COL23A1: variants seen among roughly 807,000 people sequenced by gnomAD.
COL23A1 encodes collagen alpha-1(XXIII) chain.
A neutral mutation model predicts 99.3 loss-of-function variants in COL23A1; 97 were observed. The ratio of observed to expected loss-of-function variants is 0.98; its 90% confidence interval spans 0.83 to 1.16. The LOEUF is 1.16. Among genes scored for constraint, COL23A1 ranks in the 50% most tolerant of loss-of-function variants. The probability of loss-of-function intolerance (pLI) is 0.00; values close to 1 mark genes in which losing one functional copy is unlikely to be tolerated. For missense variants in COL23A1, 762 were observed against 757.4 expected (o/e 1.01, Z -0.07); for synonymous variants, 320 against 308.2 (o/e 1.04, Z -0.40).
intron 2 of COL23A1, among the ~76,000 whole-genome samples, chr5:178,322,323 C>T (rs1034210213): frequency 6.6e-6 from 1 of 152,108 alleles, no homozygotes; most frequent in South Asian, 2.1e-4. Flanking sequence ...TTAGTAGAGA[C>T]GGGGTTTCGC....
intron 4 of COL23A1, among the ~76,000 whole-genome samples, chr5:178,289,831 C>T (rs2127585533): frequency 6.6e-6 from 1 of 152,340 alleles, no homozygotes; most frequent in African/African-American, 2.4e-5. Context: ...TTCCGGCGAA[C>T]AGGTCAAGCC....
At position 178,308,624 on chromosome 5, in the gene COL23A1, T is replaced by C. The variant is rs1451974132; in HGVS notation, c.362-1705A>G. 6.6e-6 allele frequency among the ~76,000 whole-genome samples: 1 copy of C among 152,204 alleles called. No individual in the cohort carries two copies. Among genetic ancestry groups the C allele is most frequent in the African/African-American group, 2.4e-5 (1 of 41,452 alleles). ...TGGCCGAGGCCTGCGACACCCACAC[T>C]GTCCGGCCAATTACCTTCCTATCTC... On this transcript the variant is annotated intron_variant, in intron 2 of 28. Transcript: ENST00000390654. This position sits in a 1 kb window ranked among gnomAD's most constrained non-coding sequence, Gnocchi z 5.1.
Position 178,417,487 on chromosome 5 carries a change from G to A in COL23A1, c.362-110568C>T, listed in dbSNP as rs142507359. Among the ~76,000 whole-genome samples the A allele has an allele frequency of 3.0e-3, 450 of 152,160 alleles. 3 individuals carry two copies. The highest frequency in any genetic ancestry group is 5.0e-3 in the Non-Finnish European group (342 of 68,006). On this transcript the variant is annotated intron_variant, in intron 2 of 28. Coordinates refer to ENST00000390654, the MANE Select transcript of COL23A1 (RefSeq NM_173465.4). ...CTGCCCAAAGGGGGAAATCACGCCC[G>A]CAACATTCTGGATTCTCCCTCTGGG...
At chr5:178,530,303 A>G (rs1760571532) in intron 2 of COL23A1, among the ~76,000 whole-genome samples, 1 of 152,170 alleles carries the variant, frequency 6.6e-6, no homozygotes, top group South Asian at 2.1e-4. Context: ...TCTGCTAAAA[A>G]TAAAAAAGAT....
At chr5:178,402,915 C>T (rs190721846) in intron 2 of COL23A1, among the ~76,000 whole-genome samples, 78 of 131,194 alleles carry the variant, frequency 5.9e-4, no homozygotes, top group African/African-American at 2.0e-3. Context: ...TGAGCACACA[C>T]AAAAACGTGA....
At chr5:178,413,669 A>G (rs1227774821) in intron 2 of COL23A1, among the ~76,000 whole-genome samples, 1 of 152,230 alleles carries the variant, frequency 6.6e-6, no homozygotes, top group African/African-American at 2.4e-5. Context: ...GATGAGATGG[A>G]TCACAGGCTG....
In COL23A1 at chr5:178,560,636, C is replaced by A. The variant is rs746960189; in HGVS notation, c.361+46G>T. ...GCTGTTCTCAGCAATCCCAAGCAAA[C>A]GGCGGCCGAACGCAGGAGCCAGAAG... On this transcript the variant is annotated intron_variant, in intron 2 of 28. Coordinates refer to ENST00000390654, the MANE Select transcript of COL23A1 (RefSeq NM_173465.4). The A allele has an allele frequency of 1.9e-6, 3 of 1,565,014 alleles. No homozygotes were observed. The South Asian group carries it at 3.5e-5, about 18-fold the overall frequency.
At chr5:178,484,562 G>A (rs563862930) in intron 2 of COL23A1, among the ~76,000 whole-genome samples, 79 of 152,072 alleles carry the variant, frequency 5.2e-4, no homozygotes, top group African/African-American at 1.4e-3. Flanking sequence ...GGTGGCTCAC[G>A]CCTGTAATCC....
chr5:178,518,699 T>C (rs968736805), intron 2 of COL23A1, among the ~76,000 whole-genome samples: 105 of 133,174 alleles, frequency 7.9e-4, no homozygotes, highest in African/African-American at 2.9e-3. Flanking sequence ...TCCCAGACGA[T>C]GGGCGGCCAG....
At chr5:178,466,674 TGG>T (rs1172944377) in intron 2 of COL23A1, among the ~76,000 whole-genome samples, 1 of 152,222 alleles carries the variant, frequency 6.6e-6, no homozygotes, top group Non-Finnish European at 1.5e-5. Context: ...TGCAGCCCCT[TGG>T]CCATGCTGGA....
intron 2 of COL23A1, among the ~76,000 whole-genome samples, chr5:178,347,700 G>T (rs1761055922): frequency 6.6e-6 from 1 of 151,822 alleles, no homozygotes; most frequent in Non-Finnish European, 1.5e-5. Flanking sequence ...GGCCAACATG[G>T]TGAAACCCTG....
At chr5:178,406,718 G>A (rs1028195366) in intron 2 of COL23A1, among the ~76,000 whole-genome samples, 23 of 152,198 alleles carry the variant, frequency 1.5e-4, no homozygotes, top group Non-Finnish European at 2.6e-4. Context: ...ATGAGTCACC[G>A]CGCCTGGCTA....
At chr5:178,462,853 T>C (rs1410132235) in intron 2 of COL23A1, among the ~76,000 whole-genome samples, 1 of 152,234 alleles carries the variant, frequency 6.6e-6, no homozygotes, top group Admixed American at 6.5e-5. Context: ...TCTTCAGAGC[T>C]GGAGCCAAAA....
At chr5:178,505,323 C>T (rs1349132320) in intron 2 of COL23A1, among the ~76,000 whole-genome samples, 12 of 151,812 alleles carry the variant, frequency 7.9e-5, no homozygotes, top group Non-Finnish European at 1.5e-5. Context: ...GATCTCAGCT[C>T]ACGGCAACCT....
chr5:178,520,014 A>C (rs1759850181), intron 2 of COL23A1, among the ~76,000 whole-genome samples: 1 of 152,126 alleles, frequency 6.6e-6, no homozygotes, highest in Non-Finnish European at 1.5e-5. Context: ...AGATGGATAG[A>C]GAGTTGGGTG....
intron 2 of COL23A1, among the ~76,000 whole-genome samples, chr5:178,320,875 G>A (rs917462726): frequency 3.3e-5 from 5 of 152,190 alleles, no homozygotes; most frequent in African/African-American, 1.2e-4. Context: ...TGGGCCTGGA[G>A]GTCGCATGGG....
intron 2 of COL23A1, among the ~76,000 whole-genome samples, chr5:178,322,210 T>C (rs984149727): frequency 5.9e-5 from 9 of 151,996 alleles, no homozygotes; most frequent in Non-Finnish European, 1.2e-4. Flanking sequence ...GCCAGGCTGT[T>C]CTTGAACTCC....
At chr5:178,389,023 A>G (rs997091547) in intron 2 of COL23A1, among the ~76,000 whole-genome samples, 2 of 152,124 alleles carry the variant, frequency 1.3e-5, no homozygotes, top group African/African-American at 2.4e-5. Context: ...ATCACTAACT[A>G]AAGGCTAAAA....
At chr5:178,360,224 C>T (rs1762102314) in intron 2 of COL23A1, among the ~76,000 whole-genome samples, 1 of 152,246 alleles carries the variant, frequency 6.6e-6, no homozygotes, top group Non-Finnish European at 1.5e-5. Context: ...AATTCTTTAT[C>T]AGACCAAGTG....
Sources: gnomAD v4.1 joint callset for allele counts (sites outside exome capture counted in the v4.1 genomes callset) on GRCh38, gnomAD v4.1.1 for gene constraint, Gnocchi (gnomAD v3.1) non-coding constraint, MANE v1.5 for transcripts, NCBI Gene and HGNC (gene_info 2026-07-23, HGNC 2026-07-21) for gene names.